Variants in NF2 observed in about 807,000 individuals in gnomAD.
The protein encoded by NF2 is merlin.
Under a neutral mutation model 83.7 loss-of-function variants are expected in NF2, and 8 were observed. That is an observed-to-expected ratio of 0.10 (90% CI 0.06 to 0.17). NF2 has a LOEUF of 0.17. Ranked by LOEUF, NF2 falls within the 10% of genes least tolerant of loss-of-function variation. The probability of loss-of-function intolerance (pLI) is 1.00; values close to 1 mark genes in which losing one functional copy is unlikely to be tolerated. For missense variants in NF2, 533 were observed against 744.4 expected, an observed-to-expected ratio of 0.72 and a Z score of 3.31; for synonymous variants, 266 against 269.6, an observed-to-expected ratio of 0.99 and a Z score of 0.13.
intron 4 of NF2, among the ~76,000 whole-genome samples, chr22:29,644,703 G>A (rs574607045): frequency 3.3e-3 from 498 of 152,352 alleles, no homozygotes; most frequent in African/African-American, 0.011. Context: ...CGGATCACTC[G>A]CGGTTAGGAG....
At chr22:29,652,080 G>T (rs919974743) in intron 4 of NF2, among the ~76,000 whole-genome samples, 1 of 152,028 alleles carries the variant, frequency 6.6e-6, no homozygotes, top group Non-Finnish European at 1.5e-5. Context: ...TCCCCTATAA[G>T]GCAGATGCTA....
intron 9 of NF2, among the ~76,000 whole-genome samples, chr22:29,666,477 T>A (rs1402700636): frequency 3.3e-5 from 5 of 152,244 alleles, no homozygotes; most frequent in Non-Finnish European, 7.4e-5. Context: ...TGAAAACTTT[T>A]GTATCTGCCT....
intron 1 of NF2, among the ~76,000 whole-genome samples, chr22:29,622,176 T>C (rs1238460182): frequency 6.6e-6 from 1 of 152,248 alleles, no homozygotes; most frequent in Non-Finnish European, 1.5e-5. Context: ...GCCTATGGCA[T>C]TATTTTATTG....
intron 13 of NF2, 101 bp downstream of exon 13, chr22:29,675,042 T>A (rs2066919659): frequency 4.2e-6 from 4 of 952,652 alleles, no homozygotes; most frequent in African/African-American, 1.6e-5. Flanking sequence ...GGGTGACCAT[T>A]CAGGCAAACA....
intron 1 of NF2, among the ~76,000 whole-genome samples, chr22:29,620,748 G>A (rs1478862720): frequency 6.6e-6 from 1 of 151,808 alleles, no homozygotes; most frequent in African/African-American, 2.4e-5. Flanking sequence ...AGAGATGGGG[G>A]TCTCCCTACG....
At chr22:29,651,313 C>A (rs2066142116) in intron 4 of NF2, among the ~76,000 whole-genome samples, 1 of 152,152 alleles carries the variant, frequency 6.6e-6, no homozygotes, top group Non-Finnish European at 1.5e-5. Flanking sequence ...AAATGGTAAA[C>A]TCCTTGAATT....
rs2067130584 is a variant in NF2, at chr22:29,681,422, T to C, written c.1575-17T>C. 1.2e-6 allele frequency: 2 copies of C among 1,613,468 alleles called. No individual in the cohort carries two copies. The highest frequency in any genetic ancestry group is 1.7e-6 in the Non-Finnish European group (2 of 1,179,690). Reference sequence around the variant, plus strand: ...TGTCTGCCCAAGCCCTGATGCATGATACCCTCTTGCCGGCAGAGTGGAATA... The same window carrying C: ...TGTCTGCCCAAGCCCTGATGCATGACACCCTCTTGCCGGCAGAGTGGAATA... On this transcript the variant is annotated splice_polypyrimidine_tract_variant and intron_variant, in intron 14 of 15. Coordinates refer to ENST00000338641, the MANE Select transcript of NF2 (RefSeq NM_000268.4).
At chr22:29,620,750 C>A (rs1181223221) in intron 1 of NF2, among the ~76,000 whole-genome samples, 1 of 151,838 alleles carries the variant, frequency 6.6e-6, no homozygotes, top group Non-Finnish European at 1.5e-5. Context: ...AGATGGGGGT[C>A]TCCCTACGTT....
chr22:29,636,246 A>G lies in NF2; in HGVS notation c.115-505A>G, dbSNP rs3940296. On this transcript the variant is annotated intron_variant, in intron 1 of 15. Transcript: ENST00000338641. This position sits in a 1 kb window ranked among gnomAD's most constrained non-coding sequence, Gnocchi z 4.4. ...TGGTCTCTCATGGTTCTTTTTCTCC[A>G]TGATTTATGACTTTGATTATGATTT... Among the ~76,000 whole-genome samples the G allele has an allele frequency of 0.24, 35,819 of 151,996 alleles. 4,363 individuals are homozygous for G. Among genetic ancestry groups the G allele is most frequent in the Non-Finnish European group, 0.29 (19,409 of 67,952 alleles).
At chr22:29,680,856 A>T (rs1241204835) in intron 14 of NF2, among the ~76,000 whole-genome samples, 2 of 151,048 alleles carry the variant, frequency 1.3e-5, no homozygotes, top group Admixed American at 6.6e-5. Context: ...GATCCTATAA[A>T]AAAAAAAAAG....
chr22:29,632,956 C>T (rs1034719817), intron 1 of NF2, among the ~76,000 whole-genome samples: 22 of 152,112 alleles, frequency 1.4e-4, no homozygotes, highest in African/African-American at 4.3e-4. Context: ...CTGGAAGTCC[C>T]GTCCACACCC....
At chr22:29,624,829 CTTTCTTTCTT>C (rs1477991611) in intron 1 of NF2, among the ~76,000 whole-genome samples, 3 of 146,634 alleles carry the variant, frequency 2.0e-5, no homozygotes, top group Non-Finnish European at 4.5e-5. Flanking sequence ...TTCTTTCTTT[CTTTCTTTCTT>C]TCTTTCTTTC....
rs1183118596 is a variant in NF2 at position 29,655,287 on chromosome 22, A to G, written c.517-307A>G. On this transcript the variant is annotated intron_variant, in intron 5 of 15. Transcript: ENST00000338641. ...AGCATGTGAAGGCCTGAGATGAGTG[A>G]GCATTGCTTCTGACTGAGCTCCGCT... Among the ~76,000 whole-genome samples, 4 of 151,972 alleles carry G rather than the reference A, an allele frequency of 2.6e-5. No individual in the cohort carries two copies. The South Asian group carries it at 8.3e-4, about 32-fold the overall frequency.
At chr22:29,618,209 A>G (rs1460318478) in intron 1 of NF2, among the ~76,000 whole-genome samples, 1 of 152,220 alleles carries the variant, frequency 6.6e-6, no homozygotes, top group African/African-American at 2.4e-5. Flanking sequence ...GATAGGGCTC[A>G]GGTAAGTGAT....
chr22:29,667,858 A>G (rs1042033355), intron 9 of NF2, among the ~76,000 whole-genome samples: 2 of 151,896 alleles, frequency 1.3e-5, no homozygotes, highest in African/African-American at 4.8e-5. Context: ...ATATTCTTCT[A>G]TATTGTCTTC....
At chr22:29,668,312 T>G in intron 9 of NF2, 21 bp from the exon 10 acceptor site, 1 of 1,587,664 alleles carries the variant, frequency 6.3e-7, no homozygotes. Context: ...TTAACCTTTT[T>G]GTCTGCTTCT....
chr22:29,635,363 T>C (rs1487677520), intron 1 of NF2, among the ~76,000 whole-genome samples: 2 of 152,182 alleles, frequency 1.3e-5, no homozygotes, highest in African/African-American at 4.8e-5. Context: ...GGAGTCTTGC[T>C]TTGTCGCCAG....
At chr22:29,683,289 G>T in intron 15 of NF2, 1 of 1,450,684 alleles carries the variant, frequency 6.9e-7, no homozygotes, top group South Asian at 1.4e-5. Context: ...GTTCCGAAGA[G>T]CATGTCATGG....
chr22:29,683,462 A>T, intron 15 of NF2: 2 of 1,213,788 alleles, frequency 1.6e-6, no homozygotes, highest in African/African-American at 3.0e-5. Flanking sequence ...GGTGTGTTTA[A>T]CTCAAGATCA....
Sources: gnomAD v4.1 joint callset for allele counts (sites outside exome capture counted in the v4.1 genomes callset) on GRCh38, gnomAD v4.1.1 for gene constraint, Gnocchi (gnomAD v3.1) non-coding constraint, MANE v1.5 for transcripts, NCBI Gene and HGNC (gene_info 2026-07-23, HGNC 2026-07-21) for gene names.